The following GRIA4 variants were observed in gnomAD, a reference collection of about 807,000 sequenced individuals.
The protein encoded by GRIA4 is glutamate receptor 4.
A neutral mutation model predicts 104.0 loss-of-function variants in GRIA4; 34 were observed. The observed-to-expected ratio is 0.33, with a 90% CI of 0.25 to 0.44. The LOEUF (loss-of-function observed/expected upper bound fraction) is 0.44. Among genes scored for constraint, GRIA4 ranks in the 20% least tolerant of loss-of-function variants. The probability of loss-of-function intolerance (pLI) is 1.00; values close to 1 mark genes in which losing one functional copy is unlikely to be tolerated. For synonymous variants in GRIA4, 386 were observed against 381.9 expected, an observed-to-expected ratio of 1.01 and a Z score of -0.13; for missense variants, 750 against 1,096.5, an observed-to-expected ratio of 0.68 and a Z score of 4.46.
intron 8 of GRIA4, among the ~76,000 whole-genome samples, chr11:105,904,671 G>A (rs1292113758): frequency 1.3e-5 from 2 of 152,052 alleles, no homozygotes; most frequent in Non-Finnish European, 2.9e-5. Context: ...CATTTTAAAT[G>A]TTCTGAAATG....
intron 10 of GRIA4, among the ~76,000 whole-genome samples, chr11:105,913,681 G>A (rs1234206255): frequency 1.3e-5 from 2 of 151,892 alleles, no homozygotes; most frequent in Non-Finnish European, 2.9e-5. Flanking sequence ...TACTTTCTTG[G>A]CTATTGAACT....
chr11:105,707,559 T>G (rs1953750239), intron 3 of GRIA4: 1 of 152,070 alleles, frequency 6.6e-6, no homozygotes, highest in Non-Finnish European at 1.5e-5. Context: ...GCGCTCAAAT[T>G]CAGTGTGTCC....
intron 3 of GRIA4, among the ~76,000 whole-genome samples, chr11:105,719,797 T>C (rs998951333): frequency 1.2e-4 from 18 of 149,876 alleles, no homozygotes; most frequent in African/African-American, 4.4e-4. Context: ...AAAGCCTGAG[T>C]TGGCATGAAA....
chr11:105,772,296 A>G (rs1436099049), intron 4 of GRIA4, among the ~76,000 whole-genome samples: 4 of 152,146 alleles, frequency 2.6e-5, no homozygotes, highest in African/African-American at 9.7e-5. Context: ...AGGCATAGAA[A>G]TGTCGTGACA....
At chr11:105,719,946 C>T (rs1937676473) in intron 3 of GRIA4, among the ~76,000 whole-genome samples, 1 of 151,972 alleles carries the variant, frequency 6.6e-6, no homozygotes, top group Admixed American at 6.6e-5. Context: ...TGGTCTTTCA[C>T]TCAGCCTATT....
intron 5 of GRIA4, among the ~76,000 whole-genome samples, chr11:105,880,107 A>G (rs1945993734): frequency 6.6e-6 from 1 of 152,248 alleles, no homozygotes; most frequent in African/African-American, 2.4e-5. Flanking sequence ...CTTAATTTAA[A>G]AAGAGCTTGC....
intron 14 of GRIA4, among the ~76,000 whole-genome samples, chr11:105,959,167 GT>G (rs772335083): frequency 2.0e-4 from 30 of 152,142 alleles, no homozygotes; most frequent in Non-Finnish European, 3.8e-4. Flanking sequence ...GTCTTGCTAG[GT>G]TGGGGAAGTT....
intron 3 of GRIA4, among the ~76,000 whole-genome samples, chr11:105,632,027 GA>G (rs1411811842): frequency 6.6e-6 from 1 of 152,002 alleles, no homozygotes; most frequent in Non-Finnish European, 1.5e-5. Flanking sequence ...TGGAGGGAGG[GA>G]AAACAGGAGG....
intron 3 of GRIA4, among the ~76,000 whole-genome samples, chr11:105,721,220 G>A (rs559194219): frequency 2.0e-5 from 3 of 152,168 alleles, no homozygotes; most frequent in African/African-American, 4.8e-5. Flanking sequence ...TTTTAGGAAC[G>A]GATCACTAAG....
intron 3 of GRIA4, among the ~76,000 whole-genome samples, chr11:105,722,923 C>T (rs1021184257): frequency 1.3e-5 from 2 of 152,014 alleles, no homozygotes; most frequent in Non-Finnish European, 2.9e-5. Flanking sequence ...AGATTTGTGA[C>T]GTCTGTAAGT....
chr11:105,808,630 T>G (rs1001615277), intron 4 of GRIA4, among the ~76,000 whole-genome samples: 2 of 152,056 alleles, frequency 1.3e-5, no homozygotes, highest in African/African-American at 2.4e-5. Flanking sequence ...GACAAACAAA[T>G]TCTTTAAAAA....
intron 4 of GRIA4, among the ~76,000 whole-genome samples, chr11:105,772,755 T>C (rs1446424277): frequency 3.9e-5 from 6 of 152,124 alleles, no homozygotes; most frequent in Non-Finnish European, 5.9e-5. Context: ...GTGTAAAGAA[T>C]ATATACGTCT....
At chr11:105,656,288 T>C (rs531234344) in intron 3 of GRIA4, among the ~76,000 whole-genome samples, 1 of 152,230 alleles carries the variant, frequency 6.6e-6, no homozygotes, top group African/African-American at 2.4e-5. Context: ...CCCTATTTAA[T>C]AAATGGTGTT....
chr11:105,838,353 C>A (rs1944269666), intron 4 of GRIA4, among the ~76,000 whole-genome samples: 1 of 152,134 alleles, frequency 6.6e-6, no homozygotes, highest in African/African-American at 2.4e-5. Context: ...GCAGAACCAG[C>A]CCACTACTTT....
At chr11:105,886,450 A>AT (rs1489018701) in intron 5 of GRIA4, among the ~76,000 whole-genome samples, 4 of 151,492 alleles carry the variant, frequency 2.6e-5, no homozygotes, top group South Asian at 2.1e-4. Context: ...CTTTCCAGCT[A>AT]TTTTTTTCTG....
chr11:105,854,455 C>T (rs939774071), intron 4 of GRIA4, among the ~76,000 whole-genome samples: 10 of 152,076 alleles, frequency 6.6e-5, no homozygotes, highest in African/African-American at 1.7e-4. Context: ...CAGTGGATGA[C>T]GTCAGTATAA....
chr11:105,868,851 C>T (rs1288562458), intron 5 of GRIA4, among the ~76,000 whole-genome samples: 1 of 152,066 alleles, frequency 6.6e-6, no homozygotes, highest in African/African-American at 2.4e-5. Context: ...GCATATTGAG[C>T]TTTGCTCAAT....
intron 4 of GRIA4, among the ~76,000 whole-genome samples, chr11:105,801,253 CAATT>C (rs1942708732): frequency 1.3e-5 from 2 of 151,408 alleles, no homozygotes. Flanking sequence ...AATGATGAAT[CAATT>C]TAAGTATGTG....
In GRIA4 at chr11:105,664,231, G is replaced by T. The variant is rs1433370665; in HGVS notation, c.247+51797G>T. On this transcript the variant is annotated intron_variant, in intron 3 of 16. Coordinates refer to ENST00000282499, the MANE Select transcript of GRIA4 (RefSeq NM_000829.4). Reference sequence around the variant, plus strand: ...CTCATATGAAGTCACATCTTTAGCTGTGATATAAATGACGGGGCACTGGAT... The same window carrying T: ...CTCATATGAAGTCACATCTTTAGCTTTGATATAAATGACGGGGCACTGGAT... Among the ~76,000 whole-genome samples, 6 of 150,290 alleles carry T rather than the reference G, an allele frequency of 4.0e-5. No individual in the cohort carries two copies. The East Asian group carries it at 1.2e-3, about 30-fold the overall frequency.
Sources: allele counts gnomAD v4.1 joint callset (sites outside exome capture counted in the v4.1 genomes callset), GRCh38; gene constraint gnomAD v4.1.1; transcripts MANE v1.5; gene names NCBI Gene and HGNC (gene_info 2026-07-23, HGNC 2026-07-21).